ALDH9A1: variants seen among roughly 807,000 people sequenced by gnomAD.
ALDH9A1 encodes 4-trimethylaminobutyraldehyde dehydrogenase.
In ALDH9A1, 42 loss-of-function variants were observed where a neutral mutation model predicts 56.6. The ratio of observed to expected loss-of-function variants is 0.74; its 90% CI spans 0.58 to 0.96. The LOEUF (loss-of-function observed/expected upper bound fraction) is 0.96. ALDH9A1 is among the 40% of genes least tolerant of loss of function. The pLI is 0.00. For missense variants in ALDH9A1, 661 were observed against 651.5 expected, an observed-to-expected ratio of 1.01 and a Z score of -0.16; for synonymous variants, 242 against 236.0, an observed-to-expected ratio of 1.03 and a Z score of -0.23.
chr1:165,688,798 G>A (rs1262891034), intron 2 of ALDH9A1, among the ~76,000 whole-genome samples: 2 of 152,194 alleles, frequency 1.3e-5, no homozygotes, highest in Non-Finnish European at 2.9e-5. Flanking sequence ...TGGTCACAGA[G>A]TGGGATCTAT....
At chr1:165,671,699 G>A (rs950406578) in intron 6 of ALDH9A1, 18 of 451,622 alleles carry the variant, frequency 4.0e-5, no homozygotes, top group Non-Finnish European at 7.7e-5. Context: ...CTGGAAATAT[G>A]AATCATATAC....
intron 2 of ALDH9A1, among the ~76,000 whole-genome samples, chr1:165,683,470 G>A (rs1390450205): frequency 6.6e-6 from 1 of 152,224 alleles, no homozygotes; most frequent in Non-Finnish European, 1.5e-5. Flanking sequence ...GTGAGGGGTA[G>A]AGAATGGAGA....
chr1:165,672,764 T>G (rs1221353715), intron 6 of ALDH9A1, among the ~76,000 whole-genome samples: 1 of 151,574 alleles, frequency 6.6e-6, no homozygotes, highest in East Asian at 1.9e-4. Flanking sequence ...TGGCGAAATC[T>G]CATCTCTACA....
intron 2 of ALDH9A1, among the ~76,000 whole-genome samples, chr1:165,692,638 C>T (rs999160557): frequency 2.0e-5 from 3 of 152,112 alleles, no homozygotes; most frequent in African/African-American, 7.2e-5. Flanking sequence ...GGCCATACTG[C>T]CCAAGGTAAT....
chr1:165,694,561 G>C (rs17482717), intron 2 of ALDH9A1, among the ~76,000 whole-genome samples: 1 of 151,558 alleles, frequency 6.6e-6, no homozygotes, highest in Admixed American at 6.6e-5. Context: ...TTAAAGTAAC[G>C]ATACTTAAAA....
chr1:165,692,264 A>G (rs1649917405), intron 2 of ALDH9A1, among the ~76,000 whole-genome samples: 1 of 152,214 alleles, frequency 6.6e-6, no homozygotes, highest in Non-Finnish European at 1.5e-5. Flanking sequence ...AATTAGGAGG[A>G]AGTCAAATTG....
Position 165,677,447 on chromosome 1 carries a change from G to A in ALDH9A1, c.930+1995C>T, listed in dbSNP as rs1446124399. ...TCCAGAGCACAGCCAGGGGAAGTAT[G>A]AGTCTGGAACACTTTGCTATGCCAG... is the stretch of plus-strand genomic sequence containing the variant. On this transcript the variant is annotated intron_variant, in intron 6 of 10. Transcript: ENST00000354775. Among the ~76,000 whole-genome samples, 3 of 152,200 alleles carry A rather than the reference G, an allele frequency of 2.0e-5. No homozygotes were observed. The East Asian group carries it at 5.8e-4, about 29-fold the overall frequency.
chr1:165,683,442 T>C (rs563729234), intron 2 of ALDH9A1, among the ~76,000 whole-genome samples: 2 of 152,290 alleles, frequency 1.3e-5, no homozygotes, highest in East Asian at 1.9e-4. Flanking sequence ...TGATTTGAAG[T>C]GTATATTTAT....
At chr1:165,675,618 A>G (rs567980088) in intron 6 of ALDH9A1, among the ~76,000 whole-genome samples, 3 of 152,300 alleles carry the variant, frequency 2.0e-5, no homozygotes, top group African/African-American at 7.2e-5. Flanking sequence ...CTGTTTTTGT[A>G]AAATTCTGAT....
intron 2 of ALDH9A1, among the ~76,000 whole-genome samples, chr1:165,685,805 G>A (rs749857052): frequency 2.1e-4 from 32 of 152,332 alleles, no homozygotes; most frequent in Admixed American, 1.2e-3. Context: ...GACCACTCTG[G>A]TGGCACTGTA....
At chr1:165,697,580 A>C (rs1285917112) in intron 1 of ALDH9A1, among the ~76,000 whole-genome samples, 1 of 152,258 alleles carries the variant, frequency 6.6e-6, no homozygotes, top group African/African-American at 2.4e-5. Flanking sequence ...ATGTGGAGAC[A>C]AAGTCCTCAT....
At chr1:165,677,826 C>G (rs1463479753) in intron 6 of ALDH9A1, among the ~76,000 whole-genome samples, 5 of 147,890 alleles carry the variant, frequency 3.4e-5, no homozygotes, top group Admixed American at 6.7e-5. Flanking sequence ...CCACTGTACT[C>G]CAGCCTGGGC....
At chr1:165,695,057 A>C (rs918840479) in intron 2 of ALDH9A1, among the ~76,000 whole-genome samples, 195 bp downstream of exon 2, 10 of 152,202 alleles carry the variant, frequency 6.6e-5, no homozygotes, top group Admixed American at 4.6e-4. Context: ...GCCAAAGGAG[A>C]TGTCCAAGAG....
rs142168163 is a variant in ALDH9A1 at position 165,665,119 on chromosome 1, C to T, written c.1361G>A (p.Arg454Gln). Residue 454 changes from arginine (R) to glutamine (Q), a missense_variant, in exon 10 of 11, where the codon CGG becomes CAG. Coordinates refer to ENST00000354775, the MANE Select transcript of ALDH9A1 (RefSeq NM_000696.4). Reference sequence around the variant, plus strand: ...AAGCTCAGCTACCACTCTATGAGCCCGTTGGATGTCCCTATGAAGAAAAAA... The same window carrying T: ...AAGCTCAGCTACCACTCTATGAGCCTGTTGGATGTCCCTATGAAGAAAAAA... ...AAGVFTRDIQ[R>Q]AHRVVAELQA... 52 of 1,613,330 alleles carry T rather than the reference C, an allele frequency of 3.2e-5. No homozygotes were observed. The highest frequency in any genetic ancestry group is 4.5e-5 in the East Asian group (2 of 44,868).
intron 2 of ALDH9A1, among the ~76,000 whole-genome samples, chr1:165,689,709 G>A (rs188677858): frequency 2.0e-5 from 3 of 152,006 alleles, no homozygotes; most frequent in Admixed American, 6.6e-5. Flanking sequence ...CAAGGCAGGC[G>A]GATCACCTAA....
intron 3 of ALDH9A1, 132 bp from the exon 4 acceptor site, chr1:165,682,373 T>A: frequency 1.0e-6 from 1 of 961,736 alleles, no homozygotes; most frequent in Non-Finnish European, 1.5e-6. Context: ...AGGCTCACCC[T>A]GTCTCCATTC....
At chr1:165,671,332 TG>T in intron 6 of ALDH9A1, 1 of 391,290 alleles carries the variant, frequency 2.6e-6, no homozygotes, top group Non-Finnish European at 5.1e-6. Context: ...CCCACTGAAG[TG>T]GGGTTGCTGA....
chr1:165,677,857 CAAAAA>C (rs35531113), intron 6 of ALDH9A1, among the ~76,000 whole-genome samples: 1 of 87,164 alleles, frequency 1.1e-5, no homozygotes. Flanking sequence ...GACTCTGTCT[CAAAAA>C]AAAAAAAAAA....
At chr1:165,673,972 T>G (rs139130396) in intron 6 of ALDH9A1, among the ~76,000 whole-genome samples, 2 of 152,264 alleles carry the variant, frequency 1.3e-5, no homozygotes, top group African/African-American at 4.8e-5. Flanking sequence ...CATAAAGACC[T>G]TGCTGATAAA....
Sources: allele counts gnomAD v4.1 joint callset (sites outside exome capture counted in the v4.1 genomes callset), GRCh38; gene constraint gnomAD v4.1.1; transcripts MANE v1.5; gene names NCBI Gene and HGNC (gene_info 2026-07-23, HGNC 2026-07-21).